Variants in KCNJ16 observed in about 807,000 individuals in gnomAD.
The protein encoded by KCNJ16 is potassium inwardly rectifying channel subfamily J member 16.
A neutral mutation model predicts 18.5 loss-of-function variants in KCNJ16; 15 were observed. The observed-to-expected ratio is 0.81, with a 90% CI of 0.54 to 1.25. The LOEUF (loss-of-function observed/expected upper bound fraction) is 1.25. Ranked by LOEUF, KCNJ16 falls within the 50% of genes most tolerant of loss-of-function variation. The probability of loss-of-function intolerance (pLI) is 0.00; values close to 1 mark genes in which losing one functional copy is unlikely to be tolerated. For synonymous variants in KCNJ16, 174 were observed against 186.5 expected (o/e 0.93, Z 0.55); for missense variants, 523 against 525.7 (o/e 0.99, Z 0.05).
intron 1 of KCNJ16, among the ~76,000 whole-genome samples, chr17:70,076,079 T>C (rs753150829): frequency 1.1e-4 from 17 of 152,266 alleles, no homozygotes; most frequent in Non-Finnish European, 1.9e-4. Context: ...TTCTCTGACA[T>C]ATATAATTGA....
Position 70,124,025 on chromosome 17 carries a change from G to A in KCNJ16, c.-190-6854G>A, listed in dbSNP as rs141700280. 1.9e-4 allele frequency among the ~76,000 whole-genome samples: 29 copies of A among 151,980 alleles called. No individual in the cohort carries two copies. In the East Asian group the frequency reaches 5.4e-3, roughly 29 times the overall value. ...GTCTTAAAATTAGCTTAGAAAGAGGGAGGCTGCAGCCAAATCACACCTATC... is the reference window on the plus strand; with the variant it reads ...GTCTTAAAATTAGCTTAGAAAGAGGAAGGCTGCAGCCAAATCACACCTATC... On this transcript the variant is annotated intron_variant, in intron 2 of 3. Coordinates refer to ENST00000392671, the MANE Select transcript of KCNJ16 (RefSeq NM_170741.4).
At chr17:70,118,990 A>C (rs973809858) in intron 2 of KCNJ16, among the ~76,000 whole-genome samples, 5 of 152,226 alleles carry the variant, frequency 3.3e-5, no homozygotes, top group Non-Finnish European at 7.3e-5. Flanking sequence ...AAGATACAAT[A>C]GGGGCATTGT....
At chr17:70,124,072 C>T (rs912505312) in intron 2 of KCNJ16, among the ~76,000 whole-genome samples, 1 of 152,158 alleles carries the variant, frequency 6.6e-6, no homozygotes, top group Non-Finnish European at 1.5e-5. Flanking sequence ...CACTTAACAA[C>T]CAGATAGTGA....
Position 70,132,991 on chromosome 17 carries a change from C to G in KCNJ16, c.904C>G (p.Arg302Gly), listed in dbSNP as rs142625269. The change falls in exon 4 of 4, where the codon CGA (arginine) becomes GGA (glycine). Residue 302 changes from arginine (R) to glycine (G), a missense_variant. Arg to Gly is a moderately radical substitution (Grantham distance 125). Coordinates refer to ENST00000392671, the MANE Select transcript of KCNJ16 (RefSeq NM_170741.4). Reference sequence around the variant, plus strand: ...CCAATCTAGAAGCTCCTATGTTCCCCGAGAAATTCTCTGGGGCCATAGGTT... The same window carrying G: ...CCAATCTAGAAGCTCCTATGTTCCCGGAGAAATTCTCTGGGGCCATAGGTT... ...SHQSRSSYVP[R>G]EILWGHRFND... is the part of the protein sequence containing the mutation. 9 of 1,613,894 alleles carry G rather than the reference C, an allele frequency of 5.6e-6. No homozygotes were observed. In the Admixed American group the frequency reaches 8.3e-5, roughly 15 times the overall value.
At chr17:70,081,659 C>T (rs184121127) in intron 1 of KCNJ16, among the ~76,000 whole-genome samples, 16 of 152,176 alleles carry the variant, frequency 1.1e-4, no homozygotes, top group Admixed American at 8.5e-4. Context: ...CACTGTTTCT[C>T]GAGTTGTGTA....
chr17:70,081,581 A>T (rs570944623), intron 1 of KCNJ16, among the ~76,000 whole-genome samples: 1 of 152,278 alleles, frequency 6.6e-6, no homozygotes, highest in Admixed American at 6.5e-5. Flanking sequence ...CTATAGGCAG[A>T]ATATTGTTCG....
intron 2 of KCNJ16, among the ~76,000 whole-genome samples, chr17:70,121,521 G>A (rs562476627): frequency 9.2e-5 from 14 of 152,308 alleles, no homozygotes; most frequent in African/African-American, 3.1e-4. Flanking sequence ...ACTTTAGAGA[G>A]AGGGCCAGAT....
intron 1 of KCNJ16, among the ~76,000 whole-genome samples, chr17:70,092,687 G>T (rs1220461659): frequency 6.6e-6 from 1 of 152,076 alleles, no homozygotes; most frequent in African/African-American, 2.4e-5. Context: ...TGCAGCTGGA[G>T]AACTAGAAAA....
intron 2 of KCNJ16, among the ~76,000 whole-genome samples, chr17:70,109,302 T>A (rs1293040138): frequency 6.6e-6 from 1 of 152,158 alleles, no homozygotes; most frequent in Non-Finnish European, 1.5e-5. Context: ...TCCCTTGTTC[T>A]CAGGGTAACT....
intron 1 of KCNJ16, among the ~76,000 whole-genome samples, chr17:70,097,235 A>G (rs11077474): frequency 0.91 from 137,684 of 152,074 alleles, 62,449 homozygotes; most frequent in East Asian, 0.97. Flanking sequence ...TCAATGGCAC[A>G]ACCCATGCGC....
chr17:70,086,373 T>C (rs942370887), intron 1 of KCNJ16, among the ~76,000 whole-genome samples: 40 of 152,226 alleles, frequency 2.6e-4, no homozygotes, highest in African/African-American at 9.6e-4. Context: ...AAACGTGTAT[T>C]TTCAGAGAGA....
At chr17:70,126,224 A>C (rs1323425146) in intron 2 of KCNJ16, among the ~76,000 whole-genome samples, 1 of 152,210 alleles carries the variant, frequency 6.6e-6, no homozygotes, top group Non-Finnish European at 1.5e-5. Context: ...TGTTCTTAAG[A>C]TATCAGGACA....
At chr17:70,116,138 T>C (rs576399688) in intron 2 of KCNJ16, among the ~76,000 whole-genome samples, 114 of 152,314 alleles carry the variant, frequency 7.5e-4, no homozygotes, top group African/African-American at 2.0e-3. Context: ...CATTTTGTTG[T>C]ATATGATTCT....
intron 2 of KCNJ16, among the ~76,000 whole-genome samples, chr17:70,120,240 G>A (rs572458556): frequency 5.9e-5 from 9 of 152,208 alleles, no homozygotes; most frequent in African/African-American, 1.9e-4. Flanking sequence ...TTCATTTTCT[G>A]TATCACTATT....
chr17:70,120,709 G>A (rs2073600980), intron 2 of KCNJ16, among the ~76,000 whole-genome samples: 1 of 152,062 alleles, frequency 6.6e-6, no homozygotes, highest in Admixed American at 6.5e-5. Context: ...ACTGGTCGTG[G>A]TCATGAAGAC....
At chr17:70,089,590 A>T (rs190705423) in intron 1 of KCNJ16, among the ~76,000 whole-genome samples, 123 of 152,314 alleles carry the variant, frequency 8.1e-4, no homozygotes, top group African/African-American at 2.9e-3. Flanking sequence ...GAAGCATAAA[A>T]CTACAGGGTT....
At chr17:70,089,026 C>T (rs2071966808) in intron 1 of KCNJ16, among the ~76,000 whole-genome samples, 1 of 152,124 alleles carries the variant, frequency 6.6e-6, no homozygotes, top group South Asian at 2.1e-4. Flanking sequence ...TCCACCAGAA[C>T]GTGTGAAAGT....
Position 70,122,970 on chromosome 17 carries a change from C to T in KCNJ16, c.-190-7909C>T, listed in dbSNP as rs139136615. 3.5e-3 allele frequency among the ~76,000 whole-genome samples: 527 copies of T among 152,320 alleles called. 1 individual carries two copies. The highest frequency in any genetic ancestry group is 6.8e-3 in the Middle Eastern group (2 of 294). ...AATCCCAGTCATGATCATCTCTTACCTCATTGTTGAAACAGCTTTCTGGTT... is the reference window on the plus strand; with the variant it reads ...AATCCCAGTCATGATCATCTCTTACTTCATTGTTGAAACAGCTTTCTGGTT... On this transcript the variant is annotated intron_variant, in intron 2 of 3. Transcript: ENST00000392671.
intron 2 of KCNJ16, among the ~76,000 whole-genome samples, chr17:70,126,550 C>T (rs2073862829): frequency 6.6e-6 from 1 of 152,146 alleles, no homozygotes; most frequent in Admixed American, 6.6e-5. Context: ...GGTATCATAA[C>T]CTTATTTCAT....
Sources: gnomAD v4.1 joint callset for allele counts (sites outside exome capture counted in the v4.1 genomes callset) on GRCh38, gnomAD v4.1.1 for gene constraint, MANE v1.5 for transcripts, NCBI Gene and HGNC (gene_info 2026-07-23, HGNC 2026-07-21) for gene names.